Variants in ANO3 observed in about 807,000 individuals in gnomAD.
ANO3 encodes the protein anoctamin 3.
Under a neutral mutation model 144.8 loss-of-function variants are expected in ANO3, and 99 were observed. The ratio of observed to expected loss-of-function variants is 0.68; its 90% CI spans 0.58 to 0.81. ANO3 has a LOEUF of 0.81. Ranked by LOEUF, ANO3 falls within the 30% of genes least tolerant of loss-of-function variation. ANO3 has a pLI of 0.00. For missense variants in ANO3, 905 were observed against 1,202.2 expected, an observed-to-expected ratio of 0.75 and a Z score of 3.66; for synonymous variants, 414 against 392.6, an observed-to-expected ratio of 1.05 and a Z score of -0.64.
chr11:26,387,769 A>G (rs1369950228), intron 1 of ANO3, among the ~76,000 whole-genome samples: 2 of 152,098 alleles, frequency 1.3e-5, no homozygotes, highest in African/African-American at 2.4e-5. Context: ...TGCTTAAATC[A>G]GGGATGTTTC....
intron 1 of ANO3, among the ~76,000 whole-genome samples, chr11:26,397,008 C>CAAA (rs1421068938): frequency 4.1e-5 from 5 of 123,080 alleles, no homozygotes; most frequent in Non-Finnish European, 9.4e-5. Context: ...AAAACAAAAA[C>CAAA]AAAAAAATAA....
intron 1 of ANO3, among the ~76,000 whole-genome samples, chr11:26,268,765 G>A (rs1471007344): frequency 6.6e-6 from 1 of 152,154 alleles, no homozygotes; most frequent in East Asian, 1.9e-4. Flanking sequence ...CAGGTTTCTA[G>A]CCTAAATGAT....
At chr11:26,646,653 T>C (rs964522031) in intron 23 of ANO3, among the ~76,000 whole-genome samples, 3 of 152,124 alleles carry the variant, frequency 2.0e-5, no homozygotes, top group African/African-American at 7.2e-5. Flanking sequence ...CTTCTTTTTA[T>C]CAGTTACTTT....
chr11:26,567,999 TG>T (rs1850663273), intron 14 of ANO3, among the ~76,000 whole-genome samples: 1 of 151,966 alleles, frequency 6.6e-6, no homozygotes, highest in East Asian at 1.9e-4. Context: ...CAGAATTGAT[TG>T]GGTGGAGCAT....
intron 3 of ANO3, among the ~76,000 whole-genome samples, chr11:26,446,318 A>G (rs758779836): frequency 4.6e-5 from 7 of 152,218 alleles, no homozygotes; most frequent in African/African-American, 9.6e-5. Flanking sequence ...GTTTGCCTTT[A>G]GCGTGCAGAG....
chr11:26,239,020 G>A (rs928347885), intron 1 of ANO3, among the ~76,000 whole-genome samples: 7 of 144,390 alleles, frequency 4.8e-5, no homozygotes, highest in Non-Finnish European at 9.2e-5. Flanking sequence ...TATGAATTAT[G>A]TAATCTAAAT....
chr11:26,657,834 G>C (rs1853741536), intron 26 of ANO3, among the ~76,000 whole-genome samples: 1 of 152,046 alleles, frequency 6.6e-6, no homozygotes, highest in African/African-American at 2.4e-5. Context: ...CATTTTTTCT[G>C]TCTTCCGTAT....
At chr11:26,198,862 A>G (rs758211974) in intron 1 of ANO3, among the ~76,000 whole-genome samples, 29 of 152,130 alleles carry the variant, frequency 1.9e-4, no homozygotes, top group Non-Finnish European at 4.0e-4. Flanking sequence ...GTTTATGCCT[A>G]ATTTGAGTTG....
At chr11:26,369,736 T>A (rs766310607) in intron 1 of ANO3, among the ~76,000 whole-genome samples, 4 of 152,202 alleles carry the variant, frequency 2.6e-5, no homozygotes, top group Non-Finnish European at 4.4e-5. Context: ...AGAAAGTATC[T>A]CCTTACAGTT....
intron 4 of ANO3, among the ~76,000 whole-genome samples, chr11:26,468,504 G>A (rs559146064): frequency 2.0e-5 from 3 of 152,064 alleles, no homozygotes; most frequent in East Asian, 3.9e-4. Flanking sequence ...TTGGCAGATG[G>A]TACTCATCTT....
chr11:26,498,574 A>G (rs1040921652), intron 4 of ANO3, among the ~76,000 whole-genome samples: 1 of 150,306 alleles, frequency 6.7e-6, no homozygotes, highest in Non-Finnish European at 1.5e-5. Flanking sequence ...TATAATTATT[A>G]TGCATATCAA....
chr11:26,387,719 C>T (rs1856772441), intron 1 of ANO3, among the ~76,000 whole-genome samples: 1 of 152,014 alleles, frequency 6.6e-6, no homozygotes, highest in Non-Finnish European at 1.5e-5. Context: ...TCTTTTTATG[C>T]ACATGTATTT....
intron 3 of ANO3, among the ~76,000 whole-genome samples, chr11:26,451,149 C>G (rs551641387): frequency 4.1e-4 from 62 of 152,264 alleles, no homozygotes; most frequent in Middle Eastern, 3.4e-3. Flanking sequence ...AGATCCCAGC[C>G]TGAGCGACGC....
At chr11:26,525,204 A>C (rs2134166990) in intron 6 of ANO3, among the ~76,000 whole-genome samples, 1 of 151,922 alleles carries the variant, frequency 6.6e-6, no homozygotes, top group East Asian at 1.9e-4. Flanking sequence ...TGGTTATAAC[A>C]CTCCTTAGCA....
chr11:26,374,912 T>G (rs921421757), intron 1 of ANO3, among the ~76,000 whole-genome samples: 3 of 152,058 alleles, frequency 2.0e-5, no homozygotes, highest in Non-Finnish European at 4.4e-5. Flanking sequence ...CCTGGTTAAT[T>G]TTTGTATTTT....
chr11:26,609,934 G>A (rs529937676), intron 17 of ANO3, among the ~76,000 whole-genome samples: 4 of 152,188 alleles, frequency 2.6e-5, no homozygotes, highest in South Asian at 2.1e-4. Context: ...TATTTGAGAC[G>A]GAGTTTCGCT....
intron 14 of ANO3, chr11:26,562,980 G>A: frequency 1.6e-6 from 2 of 1,214,914 alleles, no homozygotes; most frequent in Non-Finnish European, 2.2e-6. Flanking sequence ...AACAGAAGGT[G>A]GATCAGAATA....
chr11:26,511,754 A>G (rs1047528293), intron 5 of ANO3, among the ~76,000 whole-genome samples: 1 of 152,152 alleles, frequency 6.6e-6, no homozygotes, highest in African/African-American at 2.4e-5. Flanking sequence ...ATGTAGGTGA[A>G]TAAAAGGGCT....
chr11:26,386,641 G>C (rs1856742107), intron 1 of ANO3, among the ~76,000 whole-genome samples: 1 of 152,130 alleles, frequency 6.6e-6, no homozygotes, highest in South Asian at 2.1e-4. Flanking sequence ...TAGTATTTGT[G>C]CCAAGAATGT....
Sources: gnomAD v4.1 joint callset for allele counts (sites outside exome capture counted in the v4.1 genomes callset) on GRCh38, gnomAD v4.1.1 for gene constraint, MANE v1.5 for transcripts, NCBI Gene and HGNC (gene_info 2026-07-23, HGNC 2026-07-21) for gene names.